IL1RL2: variants seen among roughly 807,000 people sequenced by gnomAD.
The protein encoded by IL1RL2 is interleukin-1 receptor-like 2.
Under a neutral mutation model 66.8 loss-of-function variants are expected in IL1RL2, and 68 were observed. The observed-to-expected ratio is 1.02, with a 90% confidence interval of 0.84 to 1.25. The LOEUF is 1.25. Among genes scored for constraint, IL1RL2 ranks in the 50% most tolerant of loss-of-function variants. The pLI, the probability that IL1RL2 is intolerant of heterozygous loss-of-function variation, is 0.00. For synonymous variants in IL1RL2, 305 were observed against 264.6 expected (o/e 1.15, Z -1.48); for missense variants, 729 against 709.3 (o/e 1.03, Z -0.32).
Position 102,216,619 on chromosome 2 carries a change from AT to A in IL1RL2, c.725-2331del, listed in dbSNP as rs575019602. ...AGAACATGACTCCTGACATTTTGTTATTTGTATTCTGGTTGTTTTGCAGATC... is the reference window on the plus strand; with the variant it reads ...AGAACATGACTCCTGACATTTTGTTATTGTATTCTGGTTGTTTTGCAGATC... On this transcript the variant is annotated intron_variant, in intron 6 of 11. Coordinates refer to ENST00000264257, the MANE Select transcript of IL1RL2 (RefSeq NM_003854.4). 8.9e-4 allele frequency among the ~76,000 whole-genome samples: 135 copies of A among 151,994 alleles called. 1 individual carries two copies. Among genetic ancestry groups the A allele is most frequent in the Non-Finnish European group, 1.4e-3 (95 of 67,906 alleles).
At chr2:102,209,679 C>A (rs17020717) in intron 5 of IL1RL2, among the ~76,000 whole-genome samples, 3 of 151,900 alleles carry the variant, frequency 2.0e-5, no homozygotes, top group African/African-American at 2.4e-5. Flanking sequence ...GGCCCTGGGA[C>A]GGTGCAAATG....
At chr2:102,240,251 G>T (rs1034799211), downstream of IL1RL2, among the ~76,000 whole-genome samples, 2 of 151,132 alleles carry the variant, frequency 1.3e-5, no homozygotes, top group Admixed American at 1.3e-4. Context: ...ACACTTAGTA[G>T]ATGGACTGTT....
intron 6 of IL1RL2, among the ~76,000 whole-genome samples, chr2:102,217,458 A>T (rs1689710206): frequency 6.6e-6 from 1 of 152,302 alleles, no homozygotes; most frequent in African/African-American, 2.4e-5. Flanking sequence ...AGCCAAAGCA[A>T]TCTTGAGAAA....
At position 102,197,719 on chromosome 2, in the gene IL1RL2, T is replaced by A. The variant is rs532959762; in HGVS notation, c.490-3837T>A. Among the ~76,000 whole-genome samples, 8 of 152,304 alleles carry A rather than the reference T, an allele frequency of 5.3e-5. 2 individuals carry two copies. Among genetic ancestry groups the A allele is most frequent in the African/African-American group, 1.9e-4 (8 of 41,562 alleles). On this transcript the variant is annotated intron_variant, in intron 4 of 11. Coordinates refer to ENST00000264257, the MANE Select transcript of IL1RL2 (RefSeq NM_003854.4). ...GCAGAGCCCTGGAGACACGGAAATT[T>A]CTCCAGCAGCATTGAAGTGTCCAGT...
chr2:102,239,109 C>T (rs746201009), intron 11 of IL1RL2, 83 bp from the exon 12 acceptor site: 72 of 1,254,934 alleles, frequency 5.7e-5, no homozygotes, highest in East Asian at 1.2e-4. Context: ...TGGAGGTTTT[C>T]GCATTCCCAT....
intron 9 of IL1RL2, among the ~76,000 whole-genome samples, chr2:102,227,839 T>C (rs569295805): frequency 2.0e-5 from 3 of 152,292 alleles, no homozygotes; most frequent in Non-Finnish European, 2.9e-5. Flanking sequence ...TGTCAGTGAC[T>C]CTCTCACTGA....
At chr2:102,194,791 C>T (rs561539186) in intron 4 of IL1RL2, among the ~76,000 whole-genome samples, 9 of 152,072 alleles carry the variant, frequency 5.9e-5, no homozygotes, top group East Asian at 3.9e-4. Flanking sequence ...TCTGTTGCCC[C>T]GGCTGGAGTG....
intron 6 of IL1RL2, among the ~76,000 whole-genome samples, chr2:102,218,419 G>C (rs2104827849): frequency 1.3e-5 from 2 of 152,280 alleles, no homozygotes; most frequent in South Asian, 4.1e-4. Flanking sequence ...ATAAGGGAAA[G>C]AGAGGGAAAG....
At position 102,225,937 on chromosome 2, in the gene IL1RL2, C is replaced by T. The variant is rs1690565944; in HGVS notation, c.1031C>T (p.Ala344Val). 2 of 1,606,672 alleles carry T rather than the reference C, an allele frequency of 1.2e-6. No individual in the cohort carries two copies. Among genetic ancestry groups the T allele is most frequent in the South Asian group, 2.2e-5 (2 of 89,886 alleles). The change falls in exon 9 of 12, where the codon GCC (alanine) becomes GTC (valine). Residue 344 changes from alanine to valine, a missense_variant. By Grantham distance (64) the Ala-to-Val change is moderately conservative. Coordinates refer to ENST00000264257, the MANE Select transcript of IL1RL2 (RefSeq NM_003854.4). ...GCTTACTTGATAGGAGGGCTTATCG[C>T]CTTGGTGGCTGTGGCTGTGTCTGTT... is the stretch of plus-strand genomic sequence containing the variant. ...FRAYLIGGLI[A>V]LVAVAVSVVY...
chr2:102,220,061 G>T, intron 8 of IL1RL2, 44 bp downstream of exon 8: 1 of 1,516,536 alleles, frequency 6.6e-7, no homozygotes, highest in South Asian at 1.3e-5. Context: ...TGTTCAAAAC[G>T]ATGGCCAGGA....
In IL1RL2 at chr2:102,195,645, C is replaced by CTCTCTCTT. The variant is rs1559530440; in HGVS notation, c.489+3528_489+3529insCTCTTTCT. Among the ~76,000 whole-genome samples the CTCTCTCTT allele has an allele frequency of 2.4e-3, 49 of 20,246 alleles. 4 individuals carry two copies. The highest frequency in any genetic ancestry group is 0.056 in the Middle Eastern group (2 of 36). The allele number at this position is 20,246 out of a possible 152,430, so 13.3% of individuals were successfully genotyped here. On this transcript the variant is annotated intron_variant, in intron 4 of 11. Coordinates refer to ENST00000264257, the MANE Select transcript of IL1RL2 (RefSeq NM_003854.4). ...TCTTTCTTTCTCTCTCTCTCTCTCT[C>CTCTCTCTT]TCTTTCTTTCTTTCTTTCTTTCTTT...
chr2:102,194,301 G>A (rs761695472), intron 4 of IL1RL2, among the ~76,000 whole-genome samples: 20 of 152,068 alleles, frequency 1.3e-4, no homozygotes, highest in Admixed American at 7.2e-4. Flanking sequence ...GTTTCATGTG[G>A]CTATATTTCA....
chr2:102,210,149 A>C (rs2104794922), intron 5 of IL1RL2, among the ~76,000 whole-genome samples: 1 of 152,278 alleles, frequency 6.6e-6, no homozygotes, highest in East Asian at 1.9e-4. Context: ...GTCAGGAAGC[A>C]TTATGTGGAT....
At chr2:102,235,422 G>GTGTT in intron 11 of IL1RL2, 145 bp downstream of exon 11, 1 of 1,448,616 alleles carries the variant, frequency 6.9e-7, no homozygotes, top group South Asian at 1.4e-5. Context: ...AGGATCTGTT[G>GTGTT]TGTTTGTTGT....
chr2:102,207,974 G>A (rs4471912), intron 5 of IL1RL2, among the ~76,000 whole-genome samples: 42,659 of 152,034 alleles, frequency 0.28, 6,617 homozygotes, highest in East Asian at 0.39. Flanking sequence ...CCATGAGCCC[G>A]TGGCAGCTGA....
intron 9 of IL1RL2, among the ~76,000 whole-genome samples, chr2:102,229,041 G>A (rs1234643233): frequency 3.9e-5 from 6 of 152,206 alleles, no homozygotes; most frequent in Admixed American, 3.9e-4. Context: ...CTGCAGTTCA[G>A]TAAAAGCATT....
intron 9 of IL1RL2, among the ~76,000 whole-genome samples, chr2:102,232,450 A>C (rs184514439): frequency 6.6e-6 from 1 of 152,242 alleles, no homozygotes; most frequent in Non-Finnish European, 1.5e-5. Context: ...CAGCCTCCTG[A>C]GTAGCTGGGA....
At chr2:102,212,568 T>A (rs1689264675) in intron 6 of IL1RL2, among the ~76,000 whole-genome samples, 2 of 152,174 alleles carry the variant, frequency 1.3e-5, no homozygotes, top group South Asian at 4.1e-4. Context: ...GTGAAAAAAA[T>A]TATGATGTTA....
chr2:102,217,480 G>T (rs570612974), intron 6 of IL1RL2, among the ~76,000 whole-genome samples: 1 of 151,880 alleles, frequency 6.6e-6, no homozygotes, highest in East Asian at 1.9e-4. Context: ...AGACCAAAAG[G>T]CCCAAAACCA....
Sources: allele counts gnomAD v4.1 joint callset (sites outside exome capture counted in the v4.1 genomes callset), GRCh38; gene constraint gnomAD v4.1.1; transcripts MANE v1.5; gene names NCBI Gene and HGNC (gene_info 2026-07-23, HGNC 2026-07-21).